The following PDK1 variants were observed in gnomAD, a reference collection of about 807,000 sequenced individuals.
PDK1 encodes [Pyruvate dehydrogenase (acetyl-transferring)] kinase isozyme 1, mitochondrial.
Under a neutral mutation model 54.2 loss-of-function variants are expected in PDK1, and 39 were observed. The ratio of observed to expected loss-of-function variants is 0.72; its 90% CI spans 0.56 to 0.94. The LOEUF is 0.94. PDK1 is among the 40% of genes least tolerant of loss of function. PDK1 has a pLI of 0.00. For synonymous variants in PDK1, 221 were observed against 207.1 expected (o/e 1.07, Z -0.58); for missense variants, 552 against 566.0 (o/e 0.98, Z 0.25).
the PDK1 span, among the ~76,000 whole-genome samples, chr2:172,672,661 T>C: frequency 6.6e-6 from 1 of 152,168 alleles, no homozygotes; most frequent in African/African-American, 2.4e-5. Flanking sequence ...TTTGTATTTT[T>C]ACAATATCAT....
At chr2:172,621,929 G>GTTTATATCTCCTATATGTGGTATAT in the PDK1 span, among the ~76,000 whole-genome samples, 1 of 145,062 alleles carries the variant, frequency 6.9e-6, no homozygotes, top group East Asian at 2.0e-4. Flanking sequence ...TATGATATAT[G>GTTTATATCTCCTATATGTGGTATAT]TTTATATCTC....
At chr2:172,694,784 T>C in the PDK1 span, among the ~76,000 whole-genome samples, 1 of 152,186 alleles carries the variant, frequency 6.6e-6, no homozygotes, top group Non-Finnish European at 1.5e-5. Context: ...CTCTCATTTG[T>C]TTCAGTGTTT....
the PDK1 span, among the ~76,000 whole-genome samples, chr2:172,626,915 C>T: frequency 6.6e-6 from 1 of 152,114 alleles, no homozygotes; most frequent in African/African-American, 2.4e-5. Flanking sequence ...TATCCAATCC[C>T]TTTCTTTCTC....
the PDK1 span, among the ~76,000 whole-genome samples, chr2:172,666,277 T>C: frequency 6.6e-6 from 1 of 152,202 alleles, no homozygotes; most frequent in African/African-American, 2.4e-5. Context: ...TTTACATCAA[T>C]AGAGGAGTAC....
At chr2:172,706,757 T>A in the PDK1 span, among the ~76,000 whole-genome samples, 4 of 152,118 alleles carry the variant, frequency 2.6e-5, no homozygotes, top group Non-Finnish European at 5.9e-5. Flanking sequence ...CCTTTTGGGG[T>A]ATTCTGTTTG....
the PDK1 span, among the ~76,000 whole-genome samples, chr2:172,648,744 CA>C: frequency 6.6e-6 from 1 of 152,210 alleles, no homozygotes; most frequent in African/African-American, 2.4e-5. Flanking sequence ...GCTAGCACAG[CA>C]GTCTGAGATT....
At chr2:172,556,465 A>G in intron 1 of PDK1, 119 bp downstream of exon 1, 1 of 656,248 alleles carries the variant, frequency 1.5e-6, no homozygotes, top group Non-Finnish European at 2.3e-6. Flanking sequence ...CCTCCTCCTC[A>G]GCGTTTCCGC....
intron 8 of PDK1, among the ~76,000 whole-genome samples, chr2:172,572,610 C>CA (rs1288387001): frequency 6.6e-6 from 1 of 152,106 alleles, no homozygotes; most frequent in African/African-American, 2.4e-5. Flanking sequence ...CCTGTAATCC[C>CA]AGCTATTCAG....
chr2:172,583,784 A>T (rs575930984), intron 8 of PDK1, among the ~76,000 whole-genome samples: 7 of 152,108 alleles, frequency 4.6e-5, no homozygotes, highest in Middle Eastern at 3.4e-3. Flanking sequence ...ATATATAAAA[A>T]CTCAACTATA....
the PDK1 span, among the ~76,000 whole-genome samples, chr2:172,618,194 A>G: frequency 6.6e-6 from 1 of 152,218 alleles, no homozygotes; most frequent in African/African-American, 2.4e-5. Flanking sequence ...TGTAGGTAGG[A>G]CTTATTATAC....
At chr2:172,695,568 TG>T in the PDK1 span, among the ~76,000 whole-genome samples, 1 of 152,280 alleles carries the variant, frequency 6.6e-6, no homozygotes, top group Admixed American at 6.5e-5. Flanking sequence ...TGAGCATGGA[TG>T]GGATCTGGGA....
chr2:172,556,249 C>CT lies in PDK1; in HGVS notation c.100dup (p.Ser34PhefsTer39), dbSNP rs1215190238. 1 of 1,472,256 alleles carries CT rather than the reference C, an allele frequency of 6.8e-7. No homozygotes were observed. Among genetic ancestry groups the CT allele is most frequent in the Non-Finnish European group, 8.9e-7 (1 of 1,118,030 alleles). 91.2% of individuals were successfully genotyped at this position (1,472,256 alleles called of 1,614,324 possible). ...GCCGCAGCTTCAGCTCGGACTCGGG[C>CT]TCCAGCCCGGCGTCCGAGCGCGGCG... is the stretch of plus-strand genomic sequence containing the variant. On this transcript the variant is annotated frameshift_variant, in exon 1 of 11. Transcript: ENST00000282077. LOFTEE classifies it high-confidence loss of function.
chr2:172,573,311 G>A (rs1425022079), intron 8 of PDK1, among the ~76,000 whole-genome samples: 1 of 152,044 alleles, frequency 6.6e-6, no homozygotes, highest in East Asian at 1.9e-4. Flanking sequence ...TCTCAGTGTG[G>A]TTTTTATTTG....
At position 172,556,289 on chromosome 2, in the gene PDK1, G is replaced by A. The variant is rs753186072; in HGVS notation, c.139G>A (p.Asp47Asn). 1 of 1,512,006 alleles carries A rather than the reference G, an allele frequency of 6.6e-7. No homozygotes were observed. 93.7% of individuals were successfully genotyped at this position (1,512,006 alleles called of 1,614,324 possible). A position where few individuals can be genotyped will look rare whatever the true frequency, so the allele number is the denominator to read the frequency against. Reference protein sequence around the residue: ...ASERGVPGQVDFYARFSPSPL... With the variant: ...ASERGVPGQVNFYARFSPSPL... ...CGAGCGCGGCGTTCCGGGCCAGGTG[G>A]ACTTCTACGCGCGCTTCTCGCCGTC... The change falls in exon 1 of 11, where the codon GAC becomes AAC. Residue 47 changes from aspartate to asparagine, a missense_variant. By Grantham distance (23) the Asp-to-Asn change is conservative. Coordinates refer to ENST00000282077, the MANE Select transcript of PDK1 (RefSeq NM_002610.5).
the PDK1 span, among the ~76,000 whole-genome samples, chr2:172,629,268 A>G: frequency 6.6e-6 from 1 of 152,256 alleles, no homozygotes; most frequent in African/African-American, 2.4e-5. Flanking sequence ...AAGTGAGAAC[A>G]TGCATTCCTG....
chr2:172,583,281 G>GTTTTTTTTTTTTTTTTTTTTT lies in PDK1; in HGVS notation c.946-2986_946-2966dup, dbSNP rs1175087926. On this transcript the variant is annotated intron_variant, in intron 8 of 10. Coordinates refer to ENST00000282077, the MANE Select transcript of PDK1 (RefSeq NM_002610.5). Reference sequence around the variant, plus strand: ...CATAATGCTGCATAAAAGTTTTCTGGTTTTTTTTTTTTTTTTTTTTTTTTT... The same window carrying GTTTTTTTTTTTTTTTTTTTTT: ...CATAATGCTGCATAAAAGTTTTCTGGTTTTTTTTTTTTTTTTTTTTTTTTTTTTTTTTTTTTTTTTTTTTTT... Among the ~76,000 whole-genome samples the GTTTTTTTTTTTTTTTTTTTTT allele has an allele frequency of 2.1e-4, 16 of 77,076 alleles. 1 individual carries two copies. Among genetic ancestry groups the GTTTTTTTTTTTTTTTTTTTTT allele is most frequent in the African/African-American group, 8.1e-4 (15 of 18,482 alleles). The allele number at this position is 77,076 out of a possible 152,430, so 50.6% of individuals were successfully genotyped here.
At chr2:172,669,133 C>T in the PDK1 span, among the ~76,000 whole-genome samples, 1 of 145,758 alleles carries the variant, frequency 6.9e-6, no homozygotes, top group Non-Finnish European at 1.5e-5. Context: ...AATCTCGGCT[C>T]ACTGCAAGCT....
the PDK1 span, among the ~76,000 whole-genome samples, chr2:172,720,876 G>GCA: frequency 2.6e-5 from 4 of 152,182 alleles, no homozygotes; most frequent in East Asian, 5.8e-4. Context: ...TTCAGCAACT[G>GCA]CACTCCCCTC....
chr2:172,722,882 T>C, the PDK1 span, among the ~76,000 whole-genome samples: 1 of 152,084 alleles, frequency 6.6e-6, no homozygotes, highest in Non-Finnish European at 1.5e-5. Flanking sequence ...GGCTAAGTTA[T>C]AAATGAAATT....
Sources: allele counts gnomAD v4.1 joint callset (sites outside exome capture counted in the v4.1 genomes callset), GRCh38; gene constraint gnomAD v4.1.1; transcripts MANE v1.5; gene names NCBI Gene and HGNC (gene_info 2026-07-23, HGNC 2026-07-21).